The following MMRN1 variants were observed in gnomAD, a reference collection of about 807,000 sequenced individuals.
MMRN1 encodes the protein multimerin-1.
A neutral mutation model predicts 100.7 loss-of-function variants in MMRN1; 94 were observed. That is an observed-to-expected ratio of 0.93 (90% CI 0.79 to 1.11). The LOEUF is 1.11. MMRN1 is among the 50% of genes least tolerant of loss of function. MMRN1 has a pLI of 0.00. For synonymous variants in MMRN1, 575 were observed against 505.0 expected (o/e 1.14, Z -1.86); for missense variants, 1,606 against 1,439.1 (o/e 1.12, Z -1.88).
At chr4:89,883,208 T>C (rs2110567956) in intron 1 of MMRN1, among the ~76,000 whole-genome samples, 1 of 152,238 alleles carries the variant, frequency 6.6e-6, no homozygotes, top group East Asian at 1.9e-4. Flanking sequence ...CGAATATTCT[T>C]GAACAAGTCT....
chr4:89,949,078 G>C (rs1161003166), intron 6 of MMRN1, among the ~76,000 whole-genome samples: 2 of 152,098 alleles, frequency 1.3e-5, no homozygotes. Flanking sequence ...TAAAGTAATG[G>C]AACATAAAGA....
intron 1 of MMRN1, among the ~76,000 whole-genome samples, chr4:89,898,074 A>G (rs1240137655): frequency 1.3e-5 from 2 of 152,128 alleles, no homozygotes; most frequent in Admixed American, 1.3e-4. Flanking sequence ...CTTACTCATT[A>G]GGCCATGCAA....
At chr4:89,890,532 C>T (rs1383605582), upstream of MMRN1, among the ~76,000 whole-genome samples, 5 of 151,978 alleles carry the variant, frequency 3.3e-5, no homozygotes, top group African/African-American at 7.2e-5. Flanking sequence ...TATATAATGT[C>T]CATATTTTCA....
upstream of MMRN1, among the ~76,000 whole-genome samples, chr4:89,892,627 G>A (rs1175716213): frequency 6.6e-6 from 1 of 151,862 alleles, no homozygotes; most frequent in Non-Finnish European, 1.5e-5. Context: ...TGGCTTAGTA[G>A]ATCAATAGTG....
At chr4:89,886,806 G>A (rs1274292761) in intron 1 of MMRN1, among the ~76,000 whole-genome samples, 1 of 151,906 alleles carries the variant, frequency 6.6e-6, no homozygotes, top group East Asian at 1.9e-4. Flanking sequence ...ATCAAATCAA[G>A]GTAATTAGGA....
Position 89,912,186 on chromosome 4 carries a change from G to A in MMRN1, c.850+136G>A, listed in dbSNP as rs544261748. On this transcript the variant is annotated intron_variant, in intron 3 of 7. Transcript: ENST00000264790. ...CTCCTAGGACTGTTATACTTTCTAA[G>A]CTTTCTAACTTGGTAGCTTTTATAA... The A allele has an allele frequency of 1.4e-4, 71 of 495,212 alleles. No individual in the cohort carries two copies. The East Asian group carries it at 2.6e-3, about 18-fold the overall frequency. The allele number at this position is 495,212 out of a possible 1,614,324, so 30.7% of individuals were successfully genotyped here. A position where few individuals can be genotyped will look rare whatever the true frequency, so the allele number is the denominator to read the frequency against.
chr4:89,941,233 C>T (rs922169686), intron 6 of MMRN1, among the ~76,000 whole-genome samples: 29 of 152,164 alleles, frequency 1.9e-4, no homozygotes, highest in African/African-American at 5.8e-4. Flanking sequence ...CCCCCAAATA[C>T]GTGTACGCAT....
At chr4:89,906,664 C>T (rs1315628331) in intron 1 of MMRN1, among the ~76,000 whole-genome samples, 1 of 151,514 alleles carries the variant, frequency 6.6e-6, no homozygotes, top group African/African-American at 2.4e-5. Flanking sequence ...TTTAAACCTA[C>T]ATTTTCAGAT....
chr4:89,906,838 A>G, intron 1 of MMRN1, among the ~76,000 whole-genome samples: 1 of 151,332 alleles, frequency 6.6e-6, no homozygotes, highest in Non-Finnish European at 1.5e-5. Context: ...CAGTCTGCTG[A>G]TCTGCTTCTT....
chr4:89,950,389 C>A (rs1723127487), intron 6 of MMRN1, among the ~76,000 whole-genome samples: 1 of 152,050 alleles, frequency 6.6e-6, no homozygotes, highest in Admixed American at 6.6e-5. Flanking sequence ...GTAAATTAAC[C>A]TTTTTAATAC....
rs144987930 is a variant in MMRN1, at chr4:89,925,336, C to T, written c.955+2064C>T. On this transcript the variant is annotated intron_variant, in intron 4 of 7. Coordinates refer to ENST00000264790, the MANE Select transcript of MMRN1 (RefSeq NM_007351.3). ...TTTTTTTTTTTTTTTTTTGTAGAGACGAGGTTTAGCCATGTTGCCCAGGCT... is the reference window on the plus strand; with the variant it reads ...TTTTTTTTTTTTTTTTTTGTAGAGATGAGGTTTAGCCATGTTGCCCAGGCT... 6.2e-3 allele frequency among the ~76,000 whole-genome samples: 692 copies of T among 110,928 alleles called. 5 individuals are homozygous for T. Among genetic ancestry groups the T allele is most frequent in the African/African-American group, 0.022 (629 of 28,056 alleles). 72.8% of individuals were successfully genotyped at this position (110,928 alleles called of 152,430 possible).
intron 4 of MMRN1, among the ~76,000 whole-genome samples, chr4:89,926,536 T>C (rs1437559074): frequency 1.3e-5 from 2 of 152,202 alleles, no homozygotes; most frequent in Non-Finnish European, 2.9e-5. Flanking sequence ...TAGTCCCTTG[T>C]CAGATGGGTG....
intron 5 of MMRN1, among the ~76,000 whole-genome samples, chr4:89,930,897 T>C (rs963371054): frequency 5.9e-5 from 9 of 152,130 alleles, no homozygotes; most frequent in African/African-American, 2.2e-4. Flanking sequence ...AAAGCCTTTC[T>C]GGTGTGATTA....
At chr4:89,927,773 C>G in intron 4 of MMRN1, 22 bp from the exon 5 acceptor site, 1 of 1,592,648 alleles carries the variant, frequency 6.3e-7, no homozygotes, top group South Asian at 1.2e-5. Flanking sequence ...TTAATGGTCT[C>G]AATTTTCTCT....
chr4:89,938,461 A>G (rs896530927), intron 6 of MMRN1, among the ~76,000 whole-genome samples: 1 of 136,366 alleles, frequency 7.3e-6, no homozygotes, highest in Non-Finnish European at 1.6e-5. Context: ...CAGGCAAGCT[A>G]TGTCATTTTT....
chr4:89,951,547 A>C, intron 6 of MMRN1, 58 bp from the exon 7 acceptor site: 1 of 1,424,574 alleles, frequency 7.0e-7, no homozygotes, highest in Admixed American at 2.7e-5. Flanking sequence ...ACGATTTGAG[A>C]TCAACAGGAA....
intron 1 of MMRN1, among the ~76,000 whole-genome samples, chr4:89,899,545 G>A (rs1007192993): frequency 6.6e-5 from 10 of 152,044 alleles, no homozygotes; most frequent in Non-Finnish European, 1.3e-4. Context: ...GTGTATAATG[G>A]GGGGAATGGC....
intron 6 of MMRN1, among the ~76,000 whole-genome samples, chr4:89,942,490 A>G (rs1578501920): frequency 6.6e-6 from 1 of 152,288 alleles, no homozygotes; most frequent in African/African-American, 2.4e-5. Context: ...CAGCATAGAA[A>G]TAACAGCTGT....
At chr4:89,948,622 G>T (rs1723064532) in intron 6 of MMRN1, among the ~76,000 whole-genome samples, 1 of 152,098 alleles carries the variant, frequency 6.6e-6, no homozygotes, top group African/African-American at 2.4e-5. Flanking sequence ...ATTTCAGCAG[G>T]GGTAACTAGC....
Sources: allele counts gnomAD v4.1 joint callset (sites outside exome capture counted in the v4.1 genomes callset), GRCh38; gene constraint gnomAD v4.1.1; transcripts MANE v1.5; gene names NCBI Gene and HGNC (gene_info 2026-07-23, HGNC 2026-07-21).